LMBR1: variants seen among roughly 807,000 people sequenced by gnomAD.
LMBR1 encodes limb region 1 protein homolog.
A neutral mutation model predicts 73.9 loss-of-function variants in LMBR1; 52 were observed. That is an observed-to-expected ratio of 0.70 (90% CI 0.56 to 0.89). The LOEUF (loss-of-function observed/expected upper bound fraction) is 0.89. Ranked by LOEUF, LMBR1 falls within the 40% of genes least tolerant of loss-of-function variation. The pLI is 0.00. For missense variants in LMBR1, 539 were observed against 579.8 expected (o/e 0.93, Z 0.72); for synonymous variants, 215 against 209.4 (o/e 1.03, Z -0.23).
intron 1 of LMBR1, among the ~76,000 whole-genome samples, chr7:156,892,118 G>A (rs1000105097): frequency 7.9e-5 from 12 of 152,236 alleles, no homozygotes; most frequent in African/African-American, 2.7e-4. Context: ...GGTCAAGTCC[G>A]CTTCCTGACT....
chr7:156,890,497 T>C (rs1802708702), intron 1 of LMBR1, among the ~76,000 whole-genome samples: 1 of 152,176 alleles, frequency 6.6e-6, no homozygotes, highest in African/African-American at 2.4e-5. Context: ...ACCTTGCAAA[T>C]CAATATTAAA....
Position 156,791,257 on chromosome 7 carries a change from G to A in LMBR1, c.423+5132C>T, listed in dbSNP as rs1585814190. On this transcript the variant is annotated intron_variant, in intron 5 of 16. Coordinates refer to ENST00000353442, the MANE Select transcript of LMBR1 (RefSeq NM_022458.4). Reference sequence around the variant, plus strand: ...CCCACCAGAACCAGGCCAAATATGCGCATGTGCCACTAACACTAAGCAGCA... The same window carrying A: ...CCCACCAGAACCAGGCCAAATATGCACATGTGCCACTAACACTAAGCAGCA... Among the ~76,000 whole-genome samples, 1 of 152,192 alleles carries A rather than the reference G, an allele frequency of 6.6e-6. No individual in the cohort carries two copies. The highest frequency in any genetic ancestry group is 2.4e-5 in the African/African-American group (1 of 41,514).
At chr7:156,730,847 G>C (rs990018245) in intron 10 of LMBR1, among the ~76,000 whole-genome samples, 8 of 151,696 alleles carry the variant, frequency 5.3e-5, no homozygotes, top group Non-Finnish European at 1.0e-4. Context: ...TGAGGCAAGA[G>C]AATCACTTGA....
intron 9 of LMBR1, among the ~76,000 whole-genome samples, chr7:156,739,186 T>C (rs1818441186): frequency 6.6e-6 from 1 of 152,140 alleles, no homozygotes; most frequent in Admixed American, 6.5e-5. Flanking sequence ...GGCAGTGGCC[T>C]GGCAGAACTC....
intron 4 of LMBR1, among the ~76,000 whole-genome samples, chr7:156,825,142 C>T (rs1050835035): frequency 6.6e-6 from 1 of 152,028 alleles, no homozygotes; most frequent in Non-Finnish European, 1.5e-5. Flanking sequence ...CAAATGGCAA[C>T]TTAGCTTAAA....
At chr7:156,889,704 T>C (rs1802561671) in intron 1 of LMBR1, among the ~76,000 whole-genome samples, 2 of 152,200 alleles carry the variant, frequency 1.3e-5, no homozygotes, top group Admixed American at 1.3e-4. Context: ...TGTTTTACAA[T>C]GTGTCCCTTT....
At chr7:156,724,258 A>T in intron 14 of LMBR1, 80 bp from the exon 15 acceptor site, 1 of 1,074,136 alleles carries the variant, frequency 9.3e-7, no homozygotes, top group Admixed American at 2.0e-5. Flanking sequence ...CTGAGAAATG[A>T]TTGTGCATTC....
intron 5 of LMBR1, among the ~76,000 whole-genome samples, chr7:156,785,347 G>A (rs1363150927): frequency 6.6e-6 from 1 of 152,004 alleles, no homozygotes; most frequent in Non-Finnish European, 1.5e-5. Context: ...CTATAAAATT[G>A]TAAAAATTAG....
At chr7:156,825,738 G>A (rs1835571027) in intron 4 of LMBR1, among the ~76,000 whole-genome samples, 1 of 152,114 alleles carries the variant, frequency 6.6e-6, no homozygotes, top group African/African-American at 2.4e-5. Context: ...CCTATTAAGT[G>A]CCTACTAAAA....
At chr7:156,761,529 G>A (rs1217034599) in intron 8 of LMBR1, among the ~76,000 whole-genome samples, 1 of 151,988 alleles carries the variant, frequency 6.6e-6, no homozygotes, top group Non-Finnish European at 1.5e-5. Flanking sequence ...TTGATATTAG[G>A]CAATGGACAC....
intron 4 of LMBR1, among the ~76,000 whole-genome samples, chr7:156,821,370 G>A (rs1586026427): frequency 6.6e-6 from 1 of 152,202 alleles, no homozygotes; most frequent in Admixed American, 6.5e-5. Context: ...TGCATGATAT[G>A]CAGGCCCCCA....
At chr7:156,836,970 G>GA in intron 1 of LMBR1, 85 bp from the exon 2 acceptor site, 1 of 862,730 alleles carries the variant, frequency 1.2e-6, no homozygotes, top group Non-Finnish European at 1.8e-6. Flanking sequence ...ATATTTATAG[G>GA]AAAAAAGGAT....
At chr7:156,779,146 C>T (rs1826666894) in intron 5 of LMBR1, among the ~76,000 whole-genome samples, 1 of 152,172 alleles carries the variant, frequency 6.6e-6, no homozygotes, top group African/African-American at 2.4e-5. Context: ...ACTTCCTTCA[C>T]CTAGTTTTGA....
intron 15 of LMBR1, among the ~76,000 whole-genome samples, chr7:156,698,327 G>C (rs963666553): frequency 2.4e-4 from 36 of 152,216 alleles, no homozygotes; most frequent in African/African-American, 8.4e-4. Context: ...TTGAGGTCTG[G>C]AAGATGGTGG....
At chr7:156,876,285 T>C (rs535700796) in intron 1 of LMBR1, among the ~76,000 whole-genome samples, 7 of 152,252 alleles carry the variant, frequency 4.6e-5, no homozygotes, top group African/African-American at 1.7e-4. Context: ...CATAAATATA[T>C]ATGCACCTAA....
chr7:156,880,942 C>T (rs1159683496), intron 1 of LMBR1, among the ~76,000 whole-genome samples: 1 of 152,134 alleles, frequency 6.6e-6, no homozygotes, highest in Admixed American at 6.5e-5. Flanking sequence ...CATGAGCCAC[C>T]ACGCCCAACC....
chr7:156,830,943 CAGAG>C (rs1464540293), intron 3 of LMBR1, among the ~76,000 whole-genome samples: 1 of 152,108 alleles, frequency 6.6e-6, no homozygotes, highest in Admixed American at 6.6e-5. Flanking sequence ...TCCTGGACTG[CAGAG>C]AGTCAGGCAA....
At chr7:156,804,569 T>C (rs572044715) in intron 4 of LMBR1, among the ~76,000 whole-genome samples, 3 of 152,368 alleles carry the variant, frequency 2.0e-5, no homozygotes, top group African/African-American at 7.2e-5. Flanking sequence ...GAATATCTTA[T>C]TGCTGTTTTA....
chr7:156,870,261 A>G (rs1485753190), intron 1 of LMBR1, among the ~76,000 whole-genome samples: 3 of 152,226 alleles, frequency 2.0e-5, no homozygotes, highest in Non-Finnish European at 2.9e-5. Context: ...CAAACTACAC[A>G]TTCTTCTCAA....
Sources: allele counts gnomAD v4.1 joint callset (sites outside exome capture counted in the v4.1 genomes callset), GRCh38; gene constraint gnomAD v4.1.1; transcripts MANE v1.5; gene names NCBI Gene and HGNC (gene_info 2026-07-23, HGNC 2026-07-21).